ZC3H7A: variants seen among roughly 807,000 people sequenced by gnomAD.
ZC3H7A encodes zinc finger CCCH domain-containing protein 7A.
In ZC3H7A, 44 loss-of-function variants were observed where a neutral mutation model predicts 125.5. The ratio of observed to expected loss-of-function variants is 0.35; its 90% confidence interval spans 0.28 to 0.45. The LOEUF (loss-of-function observed/expected upper bound fraction) is 0.45, where lower values mean the gene tolerates loss of function less well. Ranked by LOEUF, ZC3H7A falls within the 20% of genes least tolerant of loss-of-function variation. The pLI, the probability that ZC3H7A is intolerant of heterozygous loss-of-function variation, is 1.00. For missense variants in ZC3H7A, 977 were observed against 1,170.7 expected (o/e 0.83, Z 2.41); for synonymous variants, 399 against 391.2 (o/e 1.02, Z -0.23).
chr16:11,779,873 A>G (rs566868738), intron 3 of ZC3H7A, among the ~76,000 whole-genome samples: 1,002 of 99,252 alleles, frequency 0.01, 6 homozygotes, highest in South Asian at 0.017. Flanking sequence ...TTTTGTGTTT[A>G]TTTATTTTTT....
intron 1 of ZC3H7A, among the ~76,000 whole-genome samples, chr16:11,793,027 T>C (rs1402704050): frequency 2.6e-5 from 4 of 152,218 alleles, no homozygotes; most frequent in Non-Finnish European, 4.4e-5. Flanking sequence ...AGGAATGCAG[T>C]AGGCCAGGAG....
At chr16:11,783,577 G>C (rs961626746) in intron 1 of ZC3H7A, among the ~76,000 whole-genome samples, 3 of 152,086 alleles carry the variant, frequency 2.0e-5, no homozygotes, top group Non-Finnish European at 2.9e-5. Flanking sequence ...AGTGTCTCCA[G>C]ATATCGTTAA....
At chr16:11,754,338 A>ATC (rs2052602467) in intron 21 of ZC3H7A, among the ~76,000 whole-genome samples, 1 of 146,662 alleles carries the variant, frequency 6.8e-6, no homozygotes, top group South Asian at 2.1e-4. Context: ...ATATATATAT[A>ATC]ATAAAATAAA....
At chr16:11,762,982 C>T (rs2052777566) in intron 16 of ZC3H7A, 1 of 445,288 alleles carries the variant, frequency 2.2e-6, no homozygotes, top group South Asian at 3.6e-5. Context: ...CAACTTGTAT[C>T]AGTAATTAAT....
intron 19 of ZC3H7A, among the ~76,000 whole-genome samples, chr16:11,761,115 T>C (rs1026932893): frequency 1.3e-5 from 2 of 152,118 alleles, no homozygotes; most frequent in Non-Finnish European, 2.9e-5. Flanking sequence ...TCTCATTCCC[T>C]CTCCAAAGTA....
At chr16:11,755,096 G>A (rs1035371168) in intron 21 of ZC3H7A, among the ~76,000 whole-genome samples, 2 of 150,586 alleles carry the variant, frequency 1.3e-5, no homozygotes, top group Admixed American at 6.6e-5. Context: ...ATAATCCCTT[G>A]CTATTTAGAA....
In ZC3H7A at chr16:11,770,671, A is replaced by C. The variant is rs2052963796; in HGVS notation, c.1108+112T>G. 4 of 1,045,034 alleles carry C rather than the reference A, an allele frequency of 3.8e-6. No homozygotes were observed. The South Asian group carries it at 5.1e-5, about 13-fold the overall frequency. The allele number at this position is 1,045,034 out of a possible 1,614,324, so 64.7% of individuals were successfully genotyped here. ...TTAGTCTTTATATTTTTAGCTACAA[A>C]GAAAATAATTCACATGTCTACTACC... On this transcript the variant is annotated intron_variant, in intron 10 of 22. Coordinates refer to ENST00000355758, the MANE Select transcript of ZC3H7A (RefSeq NM_014153.4).
At chr16:11,780,127 CT>C (rs71406291) in intron 3 of ZC3H7A, among the ~76,000 whole-genome samples, 110 of 141,348 alleles carry the variant, frequency 7.8e-4, no homozygotes, top group Admixed American at 9.9e-4. Context: ...TTTTTCTTTT[CT>C]TTTTTTTTTT....
At chr16:11,761,818 C>T in intron 18 of ZC3H7A, 92 bp downstream of exon 18, 3 of 1,540,092 alleles carry the variant, frequency 1.9e-6, no homozygotes, top group Non-Finnish European at 2.6e-6. Flanking sequence ...CTCCTCTCTT[C>T]AAAGCCTTAA....
intron 8 of ZC3H7A, 23 bp downstream of exon 8, chr16:11,774,957 T>G (rs2053054612): frequency 2.5e-6 from 4 of 1,613,596 alleles, no homozygotes; most frequent in Non-Finnish European, 3.4e-6. Flanking sequence ...TTCAAATTGT[T>G]AAGATGATAT....
At chr16:11,771,905 T>A (rs988212587) in intron 9 of ZC3H7A, among the ~76,000 whole-genome samples, 1 of 151,900 alleles carries the variant, frequency 6.6e-6, no homozygotes, top group African/African-American at 2.4e-5. Context: ...AGAATTTGCA[T>A]CATATGAGGC....
At chr16:11,775,065 T>C (rs1394505230) in intron 7 of ZC3H7A, 52 bp from the exon 8 acceptor site, 4 of 1,599,706 alleles carry the variant, frequency 2.5e-6, no homozygotes, top group East Asian at 2.2e-5. Context: ...CTCTAAGCCA[T>C]AAAACAATCA....
rs765698398 is a variant in ZC3H7A at position 11,776,735 on chromosome 16, AC to A, written c.465+15del. 3.8e-6 allele frequency: 6 copies of A among 1,581,470 alleles called. No homozygotes were observed. Among genetic ancestry groups the A allele is most frequent in the Non-Finnish European group, 4.3e-6 (5 of 1,169,830 alleles). ...AAATGGTTACGATGTAAACAAATAAACTATAAATTCCATACCTGAGGCACTG... is the reference window on the plus strand; with the variant it reads ...AAATGGTTACGATGTAAACAAATAAATATAAATTCCATACCTGAGGCACTG... On this transcript the variant is annotated intron_variant, in intron 5 of 22. Transcript: ENST00000355758.
intron 21 of ZC3H7A, among the ~76,000 whole-genome samples, 171 bp downstream of exon 21, chr16:11,756,066 G>A (rs28716116): frequency 1.3e-5 from 2 of 152,070 alleles, no homozygotes; most frequent in Non-Finnish European, 2.9e-5. Context: ...GGGAGGCTGA[G>A]GCAAGAGAAT....
chr16:11,751,754 T>C (rs1008622510), intron 22 of ZC3H7A, among the ~76,000 whole-genome samples: 10 of 152,046 alleles, frequency 6.6e-5, no homozygotes, highest in Non-Finnish European at 1.0e-4. Flanking sequence ...TGTTCCTGAA[T>C]GTAGTAGAAA....
intron 19 of ZC3H7A, chr16:11,759,075 T>C (rs1597537112): frequency 6.6e-6 from 1 of 152,668 alleles, no homozygotes; most frequent in Admixed American, 6.5e-5. Context: ...AGCCATACCA[T>C]GGAGTTACAC....
At chr16:11,755,425 C>A (rs1331657523) in intron 21 of ZC3H7A, among the ~76,000 whole-genome samples, 1 of 152,130 alleles carries the variant, frequency 6.6e-6, no homozygotes, top group Non-Finnish European at 1.5e-5. Flanking sequence ...ATCCTCTTCA[C>A]TTTTTTGAAA....
Position 11,774,900 on chromosome 16 carries a change from T to C in ZC3H7A, c.619+80A>G, listed in dbSNP as rs1405155003. 6.2e-6 allele frequency: 9 copies of C among 1,447,676 alleles called. 1 individual carries two copies. Among genetic ancestry groups the C allele is most frequent in the South Asian group, 2.3e-5 (2 of 86,424 alleles). 89.7% of individuals were successfully genotyped at this position (1,447,676 alleles called of 1,614,324 possible). On this transcript the variant is annotated intron_variant, in intron 8 of 22. Transcript: ENST00000355758. ...GAATATAACCACACAGCGATATTAT[T>C]TGACAATACATCACATACAAAGACA...
At chr16:11,774,807 C>T (rs1199150770) in intron 8 of ZC3H7A, among the ~76,000 whole-genome samples, 173 bp downstream of exon 8, 1 of 152,182 alleles carries the variant, frequency 6.6e-6, no homozygotes, top group East Asian at 1.9e-4. Flanking sequence ...CAGTCACTCA[C>T]TGGCACATCC....
Sources: allele counts gnomAD v4.1 joint callset (sites outside exome capture counted in the v4.1 genomes callset), GRCh38; gene constraint gnomAD v4.1.1; transcripts MANE v1.5; gene names NCBI Gene and HGNC (gene_info 2026-07-23, HGNC 2026-07-21).